RFLNA: variants seen among roughly 807,000 people sequenced by gnomAD.
RFLNA encodes the protein refilin A, also known as refilin-A.
In RFLNA, 5 loss-of-function variants were observed where a neutral mutation model predicts 7.8. The observed-to-expected ratio is 0.64, with a 90% CI of 0.34 to 1.35. RFLNA has a LOEUF of 1.35. Among genes scored for constraint, RFLNA ranks in the 40% most tolerant of loss-of-function variants. The pLI, the probability that RFLNA is intolerant of heterozygous loss-of-function variation, is 0.04. For synonymous variants in RFLNA, 141 were observed against 131.3 expected, an observed-to-expected ratio of 1.07 and a Z score of -0.50; for missense variants, 278 against 305.5, an observed-to-expected ratio of 0.91 and a Z score of 0.67.
chr12:124,309,315 G>A (rs1024267451), intron 1 of RFLNA, among the ~76,000 whole-genome samples: 2 of 152,190 alleles, frequency 1.3e-5, no homozygotes, highest in Non-Finnish European at 2.9e-5. Flanking sequence ...CAGCCCTCCT[G>A]ACAGTTGGAA....
chr12:124,302,033 C>T (rs942868849), intron 1 of RFLNA, among the ~76,000 whole-genome samples: 3 of 152,208 alleles, frequency 2.0e-5, no homozygotes, highest in Non-Finnish European at 4.4e-5. Context: ...TCACGCCAGT[C>T]TCTGCCTCTG....
rs1363601775 is a variant in RFLNA at position 124,290,082 on chromosome 12, G to A, written c.-37+712G>A. Among the ~76,000 whole-genome samples the A allele has an allele frequency of 1.3e-5, 2 of 152,198 alleles. No homozygotes were observed. The highest frequency in any genetic ancestry group is 2.9e-5 in the Non-Finnish European group (2 of 68,036). On this transcript the variant is annotated intron_variant, in intron 1 of 2. Transcript: ENST00000324038. The surrounding 1 kb of genome is among the most constrained non-coding windows in gnomAD (Gnocchi z 4.0). ...TTCTGTGGCTACTTTCAAACCCTCA[G>A]GGATGTTCAGTGTTACTTCTGCATT...
chr12:124,312,653 A>T (rs1041935006), intron 2 of RFLNA, among the ~76,000 whole-genome samples: 3 of 152,074 alleles, frequency 2.0e-5, no homozygotes, highest in African/African-American at 7.2e-5. Flanking sequence ...CATTCAGGCA[A>T]CTCAGGACCG....
chr12:124,292,789 G>A (rs1220170600), upstream of RFLNA, among the ~76,000 whole-genome samples: 5 of 152,202 alleles, frequency 3.3e-5, no homozygotes, highest in Admixed American at 6.5e-5. Flanking sequence ...ATGGCACAAG[G>A]GGGCCAGGAT....
At chr12:124,297,316 C>T (rs1239536720) in intron 1 of RFLNA, among the ~76,000 whole-genome samples, 1 of 152,140 alleles carries the variant, frequency 6.6e-6, no homozygotes, top group Non-Finnish European at 1.5e-5. Flanking sequence ...CCTTCCTGCT[C>T]ACTAGATGCC....
chr12:124,313,640 C>G (rs1032172385), intron 2 of RFLNA, among the ~76,000 whole-genome samples: 5 of 150,950 alleles, frequency 3.3e-5, no homozygotes, highest in South Asian at 2.1e-4. Context: ...GATCGCGCCA[C>G]TGCACTCCAG....
upstream of RFLNA, among the ~76,000 whole-genome samples, chr12:124,292,801 A>G (rs2033843407): frequency 1.3e-5 from 2 of 152,244 alleles, no homozygotes; most frequent in South Asian, 4.1e-4. Flanking sequence ...GGCCAGGATT[A>G]GTAGAGTGGG....
chr12:124,289,925 C>T lies in RFLNA; in HGVS notation c.-37+555C>T, dbSNP rs2033792215. Among the ~76,000 whole-genome samples, 1 of 152,198 alleles carries T rather than the reference C, an allele frequency of 6.6e-6. No homozygotes were observed. Among genetic ancestry groups the T allele is most frequent in the Admixed American group, 6.5e-5 (1 of 15,284 alleles). On this transcript the variant is annotated intron_variant, in intron 1 of 2. Coordinates refer to the RFLNA transcript ENST00000324038. The surrounding 1 kb of genome is among the most constrained non-coding windows in gnomAD (Gnocchi z 5.0). ...CTCACGGTTGTACAGTCACCGGGAC[C>T]TTCACTCTGAAACATTTGACCACAT...
chr12:124,299,475 C>T (rs2033988994), intron 1 of RFLNA, among the ~76,000 whole-genome samples: 3 of 152,220 alleles, frequency 2.0e-5, no homozygotes. Flanking sequence ...ACACACTGAA[C>T]CCAATTTGTC....
chr12:124,312,663 G>A (rs1454865731), intron 2 of RFLNA, among the ~76,000 whole-genome samples: 1 of 152,134 alleles, frequency 6.6e-6, no homozygotes, highest in Admixed American at 6.5e-5. Context: ...ACTCAGGACC[G>A]CCTTCCACTC....
intron 1 of RFLNA, among the ~76,000 whole-genome samples, chr12:124,298,254 C>T (rs1278757107): frequency 2.6e-5 from 4 of 152,164 alleles, no homozygotes; most frequent in Non-Finnish European, 5.9e-5. Context: ...GCTGGACGGA[C>T]GTGCATGTTA....
Position 124,295,591 on chromosome 12 carries a change from C to A in RFLNA, c.162C>A (p.Gly54=), listed in dbSNP as rs1260704026. The A allele has an allele frequency of 3.4e-6, 4 of 1,186,906 alleles. No homozygotes were observed. Among genetic ancestry groups the A allele is most frequent in the Non-Finnish European group, 3.1e-6 (3 of 963,992 alleles). The allele number at this position is 1,186,906 out of a possible 1,614,324, so 73.5% of individuals were successfully genotyped here. A position where few individuals can be genotyped will look rare whatever the true frequency, so the allele number is the denominator to read the frequency against. Residue 54 remains glycine, a synonymous_variant, in exon 1 of 3, where the codon GGC becomes GGA. Transcript: ENST00000546355. Reference sequence around the variant, plus strand: ...GCATCCTCGACGCGCGCGCGGGGGGCGCCGGCGCCTCCTCGGAGCCCCCGG... The same window carrying A: ...GCATCCTCGACGCGCGCGCGGGGGGAGCCGGCGCCTCCTCGGAGCCCCCGG... ...APGILDARAG[G]AGASSEPPGP...
chr12:124,313,706 C>T (rs939044125), intron 2 of RFLNA, among the ~76,000 whole-genome samples: 2 of 151,716 alleles, frequency 1.3e-5, no homozygotes, highest in Admixed American at 1.3e-4. Flanking sequence ...TTGCATGTGC[C>T]TCTCAAACAG....
At chr12:124,302,172 A>G (rs1450890748) in intron 1 of RFLNA, among the ~76,000 whole-genome samples, 1 of 152,156 alleles carries the variant, frequency 6.6e-6, no homozygotes, top group African/African-American at 2.4e-5. Flanking sequence ...TCACATGTGC[A>G]AAGACCCTCT....
chr12:124,304,972 T>A (rs2034113066), intron 1 of RFLNA, among the ~76,000 whole-genome samples: 1 of 151,880 alleles, frequency 6.6e-6, no homozygotes, highest in Non-Finnish European at 1.5e-5. Context: ...GAGCTTCAGA[T>A]AACATCTTTT....
At chr12:124,311,969 G>T in intron 2 of RFLNA, 42 bp downstream of exon 2, 1 of 1,474,860 alleles carries the variant, frequency 6.8e-7, no homozygotes, top group Non-Finnish European at 9.1e-7. Context: ...AGGGGGTGGG[G>T]GGTTGGGTGC....
upstream of RFLNA, among the ~76,000 whole-genome samples, chr12:124,290,549 T>C (rs2033807952): frequency 6.6e-6 from 1 of 152,204 alleles, no homozygotes; most frequent in African/African-American, 2.4e-5. This position sits in a 1 kb window ranked among gnomAD's most constrained non-coding sequence, Gnocchi z 4.0. Flanking sequence ...TGTATATACA[T>C]GTTTATGTGT....
In RFLNA at chr12:124,300,754, G is replaced by T. The variant is rs1270562620; in HGVS notation, c.207+5118G>T. Among the ~76,000 whole-genome samples, 572 of 140,428 alleles carry T rather than the reference G, an allele frequency of 4.1e-3. 1 individual carries two copies. Among genetic ancestry groups the T allele is most frequent in the African/African-American group, 0.013 (478 of 36,356 alleles). The allele number at this position is 140,428 out of a possible 152,430, so 92.1% of individuals were successfully genotyped here. On this transcript the variant is annotated intron_variant, in intron 1 of 2. Transcript: ENST00000546355. ...TGCATGGATGGATGGATGGATGGAT[G>T]GATGGATGGATGGATGGATTGACGG... is the stretch of plus-strand genomic sequence containing the variant.
intron 1 of RFLNA, among the ~76,000 whole-genome samples, chr12:124,302,283 C>T (rs2034051669): frequency 6.6e-6 from 1 of 152,166 alleles, no homozygotes; most frequent in South Asian, 2.1e-4. Flanking sequence ...GACTTGGGTG[C>T]ACCAGGCCTG....
Sources: allele counts gnomAD v4.1 joint callset (sites outside exome capture counted in the v4.1 genomes callset), GRCh38; gene constraint gnomAD v4.1.1; non-coding constraint Gnocchi (gnomAD v3.1); transcripts MANE v1.5; gene names NCBI Gene and HGNC (gene_info 2026-07-23, HGNC 2026-07-21).